BICD1: variants seen among roughly 807,000 people sequenced by gnomAD.
The protein encoded by BICD1 is BICD cargo adaptor 1, also known as protein bicaudal D homolog 1.
A neutral mutation model predicts 92.5 loss-of-function variants in BICD1; 35 were observed. That is an observed-to-expected ratio of 0.38 (90% CI 0.29 to 0.50). The LOEUF is 0.50. Among genes scored for constraint, BICD1 ranks in the 20% least tolerant of loss-of-function variants. The pLI is 0.93. For synonymous variants in BICD1, 429 were observed against 465.1 expected (o/e 0.92, Z 1.00); for missense variants, 950 against 1,189.8 (o/e 0.80, Z 2.97).
At chr12:32,224,878 T>G (rs1403790155) in intron 2 of BICD1, among the ~76,000 whole-genome samples, 1 of 152,216 alleles carries the variant, frequency 6.6e-6, no homozygotes, top group Non-Finnish European at 1.5e-5. Flanking sequence ...AATTTTGTAT[T>G]TTTAATAGAG....
chr12:32,107,193 A>G lies in BICD1; in HGVS notation c.-139A>G, dbSNP rs1207910670. 3 of 807,142 alleles carry G rather than the reference A, an allele frequency of 3.7e-6. No individual in the cohort carries two copies. The African/African-American group carries it at 5.2e-5, about 14-fold the overall frequency. 50.0% of individuals were successfully genotyped at this position (807,142 alleles called of 1,614,324 possible). ...CCGCTGCCACCAGAGCCGGCGGGGC[A>G]TCGCGCTGCTCATTCATCCGGCCGC... is the stretch of plus-strand genomic sequence containing the variant. On this transcript the variant is annotated 5_prime_UTR_variant, in exon 1 of 10. Transcript: ENST00000652176.
At chr12:32,243,501 A>G (rs989576405) in intron 2 of BICD1, among the ~76,000 whole-genome samples, 11 of 152,080 alleles carry the variant, frequency 7.2e-5, no homozygotes, top group Non-Finnish European at 1.5e-4. Context: ...ATCAAATGGT[A>G]GAAGACTTTT....
At chr12:32,243,788 T>C (rs1946299739) in intron 2 of BICD1, among the ~76,000 whole-genome samples, 1 of 152,184 alleles carries the variant, frequency 6.6e-6, no homozygotes, top group Non-Finnish European at 1.5e-5. Flanking sequence ...TTCACTCTTC[T>C]CAAAACTATA....
At chr12:32,284,403 C>T (rs1947505820) in intron 2 of BICD1, among the ~76,000 whole-genome samples, 1 of 152,186 alleles carries the variant, frequency 6.6e-6, no homozygotes, top group East Asian at 1.9e-4. Flanking sequence ...TTTTCTCTAA[C>T]AACTCTAGGT....
intron 8 of BICD1, among the ~76,000 whole-genome samples, chr12:32,346,635 CGTGTATATATATATATATAT>C (rs1469692638): frequency 0.016 from 390 of 25,140 alleles, 63 homozygotes; most frequent in African/African-American, 0.023. Context: ...TATATATATA[CGTGTATATATATATATATAT>C]ATACACACAC....
intron 4 of BICD1, among the ~76,000 whole-genome samples, chr12:32,324,934 G>A (rs1948741561): frequency 6.6e-6 from 1 of 151,954 alleles, no homozygotes; most frequent in Admixed American, 6.6e-5. Context: ...AATTTCTTTG[G>A]GTGAACATCT....
intron 2 of BICD1, among the ~76,000 whole-genome samples, chr12:32,270,630 A>G (rs1416451687): frequency 1.3e-5 from 2 of 152,216 alleles, no homozygotes; most frequent in Non-Finnish European, 2.9e-5. Flanking sequence ...ACGTAAAACT[A>G]TGATAAGATT....
At chr12:32,346,698 A>G (rs73303909) in intron 8 of BICD1, among the ~76,000 whole-genome samples, 2,916 of 137,474 alleles carry the variant, frequency 0.021, 156 homozygotes, top group African/African-American at 0.073. Context: ...ATACATACAC[A>G]TTCTGTTTTT....
At chr12:32,157,451 A>G (rs190369759) in intron 1 of BICD1, among the ~76,000 whole-genome samples, 1 of 152,316 alleles carries the variant, frequency 6.6e-6, no homozygotes, top group Non-Finnish European at 1.5e-5. Context: ...GTATTAACAA[A>G]TTTTCAGACA....
chr12:32,282,202 C>CTTTTTTTTTTTT (rs56217529), intron 2 of BICD1, among the ~76,000 whole-genome samples: 5 of 94,256 alleles, frequency 5.3e-5, no homozygotes, highest in Non-Finnish European at 7.9e-5. Flanking sequence ...AGGTCTTCTT[C>CTTTTTTTTTTTT]TTTTTTTTTT....
At chr12:32,301,091 C>G (rs1392614052) in intron 3 of BICD1, among the ~76,000 whole-genome samples, 1 of 152,120 alleles carries the variant, frequency 6.6e-6, no homozygotes, top group Non-Finnish European at 1.5e-5. Context: ...GAGGTAAAGG[C>G]CCTTCTGATT....
intron 2 of BICD1, among the ~76,000 whole-genome samples, chr12:32,233,523 T>G: frequency 6.6e-6 from 1 of 150,564 alleles, no homozygotes; most frequent in South Asian, 2.1e-4. Context: ...CCTCCCGTTC[T>G]TCCCCCTTCC....
At chr12:32,206,029 G>T (rs1437275301) in intron 1 of BICD1, among the ~76,000 whole-genome samples, 1 of 152,262 alleles carries the variant, frequency 6.6e-6, no homozygotes, top group African/African-American at 2.4e-5. Context: ...TGTTGGATAT[G>T]TCAGTAGTTT....
At chr12:32,181,078 T>C (rs1944259210) in intron 1 of BICD1, among the ~76,000 whole-genome samples, 1 of 151,924 alleles carries the variant, frequency 6.6e-6, no homozygotes, top group African/African-American at 2.4e-5. Flanking sequence ...AGAATGTTTT[T>C]GGCATTTGGA....
intron 1 of BICD1, among the ~76,000 whole-genome samples, chr12:32,147,657 G>A (rs963189770): frequency 6.6e-6 from 1 of 152,102 alleles, no homozygotes; most frequent in African/African-American, 2.4e-5. Context: ...ACATGAATAA[G>A]TACACAATAA....
Position 32,236,363 on chromosome 12 carries a change from C to G in BICD1, c.426+19904C>G, listed in dbSNP as rs555152325. ...TGAGCCAAGATCATGCCACTGCACT[C>G]TAGCCTCAGTGATAGAGCAAGACTC... On this transcript the variant is annotated intron_variant, in intron 2 of 9. Transcript: ENST00000652176. Among the ~76,000 whole-genome samples the G allele has an allele frequency of 2.1e-3, 317 of 152,060 alleles. 2 individuals are homozygous for G. The highest frequency in any genetic ancestry group is 7.3e-3 in the African/African-American group (304 of 41,502).
intron 1 of BICD1, among the ~76,000 whole-genome samples, chr12:32,190,307 A>G (rs1944531340): frequency 6.6e-6 from 1 of 152,258 alleles, no homozygotes; most frequent in South Asian, 2.1e-4. Flanking sequence ...GGCCAAATGG[A>G]TTAAAAGAAA....
rs1017473284 is a variant in BICD1, at chr12:32,380,998, A to C, written c.*3371A>C. The C allele has an allele frequency of 1.3e-5, 2 of 152,080 alleles. No homozygotes were observed. The highest frequency in any genetic ancestry group is 2.9e-5 in the Non-Finnish European group (2 of 67,950). The allele number at this position is 152,080 out of a possible 1,614,324, so 9.4% of individuals were successfully genotyped here. On this transcript the variant is annotated 3_prime_UTR_variant, in exon 10 of 10. Coordinates refer to ENST00000652176, the MANE Select transcript of BICD1 (RefSeq NM_001714.4). ...AGAATATTTGTTTTGTAAAAATTGA[A>C]TATCATTGGTGGTCTAGTAAGTATT... is the stretch of plus-strand genomic sequence containing the variant.
chr12:32,260,134 A>G (rs770311313), intron 2 of BICD1, among the ~76,000 whole-genome samples: 3 of 152,108 alleles, frequency 2.0e-5, no homozygotes, highest in Non-Finnish European at 4.4e-5. Context: ...CATGTTGATC[A>G]GGCTGGTCTC....
Sources: allele counts gnomAD v4.1 joint callset (sites outside exome capture counted in the v4.1 genomes callset), GRCh38; gene constraint gnomAD v4.1.1; transcripts MANE v1.5; gene names NCBI Gene and HGNC (gene_info 2026-07-23, HGNC 2026-07-21).